SMCHD1: variants seen among roughly 807,000 people sequenced by gnomAD.
The protein encoded by SMCHD1 is structural maintenance of chromosomes flexible hinge domain-containing protein 1.
In SMCHD1, 78 loss-of-function variants were observed where a neutral mutation model predicts 254.7. That is an observed-to-expected ratio of 0.31 (90% CI 0.26 to 0.37). SMCHD1 has a LOEUF of 0.37. Ranked by LOEUF, SMCHD1 falls within the 10% of genes least tolerant of loss-of-function variation. SMCHD1 has a pLI of 1.00. For missense variants in SMCHD1, 1,840 were observed against 2,408.1 expected (o/e 0.76, Z 4.94); for synonymous variants, 766 against 794.9 (o/e 0.96, Z 0.61).
At chr18:2,793,054 T>G (rs2076194368) in intron 45 of SMCHD1, among the ~76,000 whole-genome samples, 1 of 152,204 alleles carries the variant, frequency 6.6e-6, no homozygotes, top group South Asian at 2.1e-4. Context: ...CTTATCAGTT[T>G]TTTTGCCAAT....
At chr18:2,684,871 C>A (rs1172537266) in intron 5 of SMCHD1, among the ~76,000 whole-genome samples, 1 of 152,044 alleles carries the variant, frequency 6.6e-6, no homozygotes, top group Non-Finnish European at 1.5e-5. Context: ...AAATACATCA[C>A]AACAGTATAC....
chr18:2,785,225 T>C (rs2076219811), intron 45 of SMCHD1, among the ~76,000 whole-genome samples: 1 of 152,214 alleles, frequency 6.6e-6, no homozygotes, highest in African/African-American at 2.4e-5. Flanking sequence ...TAGAGCCTAT[T>C]TGCTCTTAAT....
At chr18:2,723,285 T>C (rs546459705) in intron 20 of SMCHD1, among the ~76,000 whole-genome samples, 17 of 152,256 alleles carry the variant, frequency 1.1e-4, no homozygotes, top group African/African-American at 3.4e-4. Context: ...AAAAGCTTTC[T>C]TTTACCTCTA....
chr18:2,680,036 A>T (rs1050463447), intron 5 of SMCHD1, among the ~76,000 whole-genome samples: 1 of 151,956 alleles, frequency 6.6e-6, no homozygotes, highest in Non-Finnish European at 1.5e-5. Context: ...CAGAATTTCT[A>T]TTCAGTTCTT....
chr18:2,678,843 GTTTGTTT>G, intron 5 of SMCHD1, among the ~76,000 whole-genome samples: 1 of 10,032 alleles, frequency 1.0e-4, no homozygotes, highest in East Asian at 0.026. Context: ...TTTTTTGTTT[GTTTGTTT>G]TTTTGTTTTT....
chr18:2,771,016 A>T (rs1028980164), intron 39 of SMCHD1, among the ~76,000 whole-genome samples: 1 of 152,136 alleles, frequency 6.6e-6, no homozygotes, highest in African/African-American at 2.4e-5. Flanking sequence ...TTCATTTGTC[A>T]TATTTTTTTG....
intron 15 of SMCHD1, 167 bp downstream of exon 15, chr18:2,706,637 T>C (rs2074521312): frequency 2.2e-6 from 1 of 447,450 alleles, no homozygotes; most frequent in African/African-American, 2.0e-5. Flanking sequence ...GGTCTAGTTA[T>C]ACAAACAGAA....
intron 8 of SMCHD1, among the ~76,000 whole-genome samples, chr18:2,695,179 G>C (rs2074260044): frequency 6.6e-6 from 1 of 151,928 alleles, no homozygotes; most frequent in Non-Finnish European, 1.5e-5. Flanking sequence ...AAAAATATAC[G>C]TACATATGTG....
chr18:2,782,256 T>C (rs989331634), intron 44 of SMCHD1, among the ~76,000 whole-genome samples: 1 of 152,208 alleles, frequency 6.6e-6, no homozygotes, highest in African/African-American at 2.4e-5. Context: ...ATAACTTTTT[T>C]TGTCCTAATA....
At chr18:2,706,288 A>T (rs1302226253) in intron 14 of SMCHD1, 76 bp from the exon 15 acceptor site, 3 of 981,844 alleles carry the variant, frequency 3.1e-6, no homozygotes, top group African/African-American at 3.3e-5. Flanking sequence ...TTTGGAAGAA[A>T]CAAATGGGTG....
chr18:2,765,937 CTTTCTAAAGAAAGT>C (rs1423925886), intron 37 of SMCHD1, among the ~76,000 whole-genome samples: 4 of 151,640 alleles, frequency 2.6e-5, no homozygotes, highest in African/African-American at 4.8e-5. Context: ...ATCTAGTCTT[CTTTCTAAAGAAAGT>C]TTTCTAAAGA....
At chr18:2,711,290 G>T (rs1474036516) in intron 17 of SMCHD1, among the ~76,000 whole-genome samples, 1 of 150,064 alleles carries the variant, frequency 6.7e-6, no homozygotes, top group East Asian at 2.0e-4. Flanking sequence ...GGTGGAGACA[G>T]GGTCTCCTAT....
intron 17 of SMCHD1, among the ~76,000 whole-genome samples, chr18:2,708,702 G>A (rs777596159): frequency 6.7e-6 from 1 of 148,726 alleles, no homozygotes; most frequent in Non-Finnish European, 1.5e-5. Context: ...TGCAACCTCC[G>A]CTTCCCCTGT....
intron 28 of SMCHD1, among the ~76,000 whole-genome samples, chr18:2,742,679 T>A (rs187284005): frequency 6.6e-6 from 1 of 152,336 alleles, no homozygotes; most frequent in African/African-American, 2.4e-5. Flanking sequence ...GATTTATTTA[T>A]TTAATTTTTC....
intron 19 of SMCHD1, among the ~76,000 whole-genome samples, chr18:2,719,690 T>TG (rs397692346): frequency 3.3e-5 from 5 of 151,088 alleles, no homozygotes; most frequent in Admixed American, 6.6e-5. Context: ...TTTTTTTTTT[T>TG]GGGAGATGGA....
At chr18:2,676,276 A>G (rs569223151) in intron 5 of SMCHD1, among the ~76,000 whole-genome samples, 25 of 152,368 alleles carry the variant, frequency 1.6e-4, no homozygotes, top group African/African-American at 5.3e-4. Flanking sequence ...TATTATTACT[A>G]TGAATAAAAT....
chr18:2,696,070 T>C (rs2074279346), intron 8 of SMCHD1, among the ~76,000 whole-genome samples: 1 of 152,254 alleles, frequency 6.6e-6, no homozygotes, highest in African/African-American at 2.4e-5. Context: ...AGACGTGGTA[T>C]TTTATAATCC....
chr18:2,776,409 A>G (rs891267614), intron 42 of SMCHD1, among the ~76,000 whole-genome samples: 1 of 150,558 alleles, frequency 6.6e-6, no homozygotes, highest in Non-Finnish European at 1.5e-5. Context: ...TTTAATTGCT[A>G]TATTGCCCAG....
chr18:2,722,729 C>T, intron 20 of SMCHD1, 66 bp downstream of exon 20: 7 of 1,419,572 alleles, frequency 4.9e-6, no homozygotes, highest in Non-Finnish European at 6.6e-6. Context: ...TTTTTTTCAG[C>T]TTCATTTTTT....
Sources: gnomAD v4.1 joint callset for allele counts (sites outside exome capture counted in the v4.1 genomes callset) on GRCh38, gnomAD v4.1.1 for gene constraint, MANE v1.5 for transcripts, NCBI Gene and HGNC (gene_info 2026-07-23, HGNC 2026-07-21) for gene names.